Variants in VSTM4 observed in about 807,000 individuals in gnomAD.
VSTM4 encodes the protein V-set and transmembrane domain-containing protein 4.
Under a neutral mutation model 36.4 loss-of-function variants are expected in VSTM4, and 20 were observed. The ratio of observed to expected loss-of-function variants is 0.55; its 90% CI spans 0.39 to 0.80. The LOEUF (loss-of-function observed/expected upper bound fraction) is 0.80, where lower values mean the gene tolerates loss of function less well. VSTM4 is among the 30% of genes least tolerant of loss of function. VSTM4 has a pLI of 0.00. For synonymous variants in VSTM4, 182 were observed against 173.9 expected, an observed-to-expected ratio of 1.05 and a Z score of -0.37; for missense variants, 392 against 404.5, an observed-to-expected ratio of 0.97 and a Z score of 0.26.
intron 2 of VSTM4, among the ~76,000 whole-genome samples, chr10:49,105,059 G>A (rs893932624): frequency 1.3e-5 from 2 of 150,528 alleles, no homozygotes; most frequent in African/African-American, 4.9e-5. Context: ...GAGACAGAGA[G>A]AGAGGGAGAG....
In VSTM4 at chr10:49,016,584, G is replaced by A. The variant is rs1376449859; in HGVS notation, c.*3066C>T. 3.3e-5 allele frequency: 5 copies of A among 152,222 alleles called. No homozygotes were observed. Among genetic ancestry groups the A allele is most frequent in the Admixed American group, 2.6e-4 (4 of 15,286 alleles). The allele number at this position is 152,222 out of a possible 1,614,324, so 9.4% of individuals were successfully genotyped here. A position where few individuals can be genotyped will look rare whatever the true frequency, so the allele number is the denominator to read the frequency against. On this transcript the variant is annotated 3_prime_UTR_variant, in exon 8 of 8. Transcript: ENST00000332853. Reference sequence around the variant, plus strand: ...CAGGGCCATGAATAATTCCCAAAGCGAGGGGGTCTTTGGGCTCATTGCTGT... The same window carrying A: ...CAGGGCCATGAATAATTCCCAAAGCAAGGGGGTCTTTGGGCTCATTGCTGT...
chr10:49,104,041 G>A (rs989746505), intron 2 of VSTM4, among the ~76,000 whole-genome samples: 1 of 152,204 alleles, frequency 6.6e-6, no homozygotes, highest in African/African-American at 2.4e-5. Flanking sequence ...GCTCACACCT[G>A]TAATCTCAGC....
chr10:49,066,316 T>A (rs1843973634), intron 4 of VSTM4, among the ~76,000 whole-genome samples: 2 of 152,218 alleles, frequency 1.3e-5, no homozygotes, highest in African/African-American at 4.8e-5. Flanking sequence ...AATATCTGTG[T>A]CAATAAAGCA....
chr10:49,067,327 C>T (rs987757508), intron 4 of VSTM4, among the ~76,000 whole-genome samples: 8 of 152,312 alleles, frequency 5.3e-5, no homozygotes, highest in East Asian at 1.9e-4. Flanking sequence ...TATCTTACAG[C>T]GGAGGACACT....
At position 49,018,493 on chromosome 10, in the gene VSTM4, T is replaced by A. The variant is rs1004821047; in HGVS notation, c.*1157A>T. On this transcript the variant is annotated 3_prime_UTR_variant, in exon 8 of 8. Coordinates refer to ENST00000332853, the MANE Select transcript of VSTM4 (RefSeq NM_001031746.5). ...CATATATACATGGTCCACTACATAG[T>A]CAAACAATTTCTATAGTGGGCAGTA... The A allele has an allele frequency of 3.3e-5, 5 of 152,174 alleles. No homozygotes were observed. Among genetic ancestry groups the A allele is most frequent in the South Asian group, 4.1e-4 (2 of 4,830 alleles). The allele number at this position is 152,174 out of a possible 1,614,324, so 9.4% of individuals were successfully genotyped here.
At chr10:49,030,820 C>T (rs117293736) in intron 7 of VSTM4, among the ~76,000 whole-genome samples, 59 of 152,312 alleles carry the variant, frequency 3.9e-4, no homozygotes, top group African/African-American at 1.3e-3. Flanking sequence ...AAATATTATT[C>T]GTTCAAGTTT....
At chr10:49,072,522 T>A (rs1013678397) in intron 4 of VSTM4, among the ~76,000 whole-genome samples, 4 of 152,196 alleles carry the variant, frequency 2.6e-5, no homozygotes, top group Non-Finnish European at 5.9e-5. Flanking sequence ...GAGACAGCAA[T>A]AAAGTCTCCT....
intron 3 of VSTM4, among the ~76,000 whole-genome samples, chr10:49,080,308 G>A (rs1404457720): frequency 6.6e-6 from 1 of 152,202 alleles, no homozygotes; most frequent in Non-Finnish European, 1.5e-5. Flanking sequence ...TGGAGAAGCA[G>A]GTCAGGCTTA....
chr10:49,062,331 T>C (rs1438841214), intron 5 of VSTM4, among the ~76,000 whole-genome samples: 1 of 152,142 alleles, frequency 6.6e-6, no homozygotes, highest in African/African-American at 2.4e-5. Flanking sequence ...TGTTTCAAGA[T>C]TATATTTTAG....
In VSTM4 at chr10:49,032,231, C is replaced by T. The variant is rs185711659; in HGVS notation, c.838-12456G>A. The stretch of plus-strand genomic sequence containing the variant: ...AGTTACCCTTATTATAGTCCTCATT[C>T]GACATGTGCAGAGATGAAGGTGGAG... On this transcript the variant is annotated intron_variant, in intron 7 of 7. Transcript: ENST00000332853. Among the ~76,000 whole-genome samples, 27 of 152,284 alleles carry T rather than the reference C, an allele frequency of 1.8e-4. No individual in the cohort carries two copies. In the East Asian group the frequency reaches 2.3e-3, roughly 13 times the overall value.
At chr10:49,066,686 T>C (rs1389236897) in intron 4 of VSTM4, among the ~76,000 whole-genome samples, 4 of 152,164 alleles carry the variant, frequency 2.6e-5, no homozygotes, top group Non-Finnish European at 4.4e-5. Context: ...AATTTTGCTT[T>C]TTATGGCTAT....
At chr10:49,081,638 C>T (rs1289850814) in intron 3 of VSTM4, among the ~76,000 whole-genome samples, 1 of 152,218 alleles carries the variant, frequency 6.6e-6, no homozygotes, top group African/African-American at 2.4e-5. Flanking sequence ...CTCAACATGG[C>T]TCAAAGGGGG....
intron 1 of VSTM4, 118 bp downstream of exon 1, chr10:49,115,312 GC>G: frequency 4.5e-6 from 3 of 666,430 alleles, no homozygotes; most frequent in Non-Finnish European, 5.6e-6. Context: ...TGACAGCGCC[GC>G]CCCCCGCCCG....
At chr10:49,052,794 C>T (rs758083819) in intron 5 of VSTM4, among the ~76,000 whole-genome samples, 16 of 152,106 alleles carry the variant, frequency 1.1e-4, no homozygotes, top group African/African-American at 1.7e-4. Flanking sequence ...TTTTTGTGCA[C>T]TTATAACATT....
At chr10:49,069,073 A>C in intron 4 of VSTM4, among the ~76,000 whole-genome samples, 1 of 149,348 alleles carries the variant, frequency 6.7e-6, no homozygotes, top group East Asian at 2.0e-4. Context: ...TCACACTCTC[A>C]CCCCATGGCA....
At chr10:49,068,437 C>T (rs1844012894) in intron 4 of VSTM4, among the ~76,000 whole-genome samples, 1 of 152,136 alleles carries the variant, frequency 6.6e-6, no homozygotes, top group African/African-American at 2.4e-5. Context: ...CCCGATGAGG[C>T]CAGACAGTGC....
At chr10:49,083,035 CA>C (rs1187456858) in intron 3 of VSTM4, among the ~76,000 whole-genome samples, 2 of 152,230 alleles carry the variant, frequency 1.3e-5, no homozygotes, top group East Asian at 3.9e-4. Context: ...GGGGTATATT[CA>C]GTGCTCCTTT....
At chr10:49,092,102 T>C (rs1353912880) in intron 2 of VSTM4, among the ~76,000 whole-genome samples, 1 of 152,216 alleles carries the variant, frequency 6.6e-6, no homozygotes, top group Non-Finnish European at 1.5e-5. Context: ...TCCCAGACTC[T>C]ACAGATCTTG....
chr10:49,037,276 T>A (rs1843445558), intron 7 of VSTM4, among the ~76,000 whole-genome samples: 1 of 152,206 alleles, frequency 6.6e-6, no homozygotes, highest in Admixed American at 6.5e-5. Flanking sequence ...GCCTACTTAG[T>A]CTGAAAAGTT....
Sources: gnomAD v4.1 joint callset for allele counts (sites outside exome capture counted in the v4.1 genomes callset) on GRCh38, gnomAD v4.1.1 for gene constraint, MANE v1.5 for transcripts, NCBI Gene and HGNC (gene_info 2026-07-23, HGNC 2026-07-21) for gene names.